Variants in ANO10 observed in about 807,000 individuals in gnomAD.
ANO10 encodes the protein anoctamin-10.
ANO10 carries 77 observed loss-of-function variants against 74.7 expected under a neutral mutation model. That is an observed-to-expected ratio of 1.03 (90% CI 0.86 to 1.25). ANO10 has a LOEUF of 1.25. Ranked by LOEUF, ANO10 falls within the 50% of genes most tolerant of loss-of-function variation. The probability of loss-of-function intolerance (pLI) is 0.00; values close to 1 mark genes in which losing one functional copy is unlikely to be tolerated. For missense variants in ANO10, 721 were observed against 778.1 expected, an observed-to-expected ratio of 0.93 and a Z score of 0.87; for synonymous variants, 279 against 284.9, an observed-to-expected ratio of 0.98 and a Z score of 0.21.
In ANO10 at chr3:43,470,945, G is replaced by A. The variant is rs532512569; in HGVS notation, c.1798-38218C>T. Among the ~76,000 whole-genome samples the A allele has an allele frequency of 8.5e-5, 13 of 152,074 alleles. No individual in the cohort carries two copies. In the South Asian group the frequency reaches 1.7e-3, roughly 19 times the overall value. ...CTTGGCCAATATATGGTAATTCTAC[G>A]TTCTGCATAATTTTTCTATAAAACT... On this transcript the variant is annotated intron_variant, in intron 11 of 12. Coordinates refer to ENST00000292246, the MANE Select transcript of ANO10 (RefSeq NM_018075.5).
chr3:43,610,319 T>C (rs954286534), intron 1 of ANO10, among the ~76,000 whole-genome samples: 2 of 152,150 alleles, frequency 1.3e-5, no homozygotes, highest in Non-Finnish European at 2.9e-5. Flanking sequence ...GAATACCTCC[T>C]GAAGGACCTG....
At chr3:43,674,796 G>C (rs975094597) in intron 1 of ANO10, among the ~76,000 whole-genome samples, 4 of 152,162 alleles carry the variant, frequency 2.6e-5, no homozygotes, top group African/African-American at 9.7e-5. Flanking sequence ...CCCAGTTTGA[G>C]TCAGAGTGGC....
In ANO10 at chr3:43,371,661, C is replaced by T. The variant is rs148978901; in HGVS notation, c.1915-4687G>A. ...GCCTCCTCCACTCAAGCTGTGCACA[C>T]ACCCCTTATTCACACCTTGCAACCA... On this transcript the variant is annotated intron_variant, in intron 12 of 12. Transcript: ENST00000292246. 5.3e-3 allele frequency among the ~76,000 whole-genome samples: 808 copies of T among 152,298 alleles called. 4 individuals are homozygous for T. Among genetic ancestry groups the T allele is most frequent in the African/African-American group, 0.019 (776 of 41,558 alleles).
chr3:43,661,619 T>C (rs188989919), intron 1 of ANO10, among the ~76,000 whole-genome samples: 2 of 152,182 alleles, frequency 1.3e-5, no homozygotes, highest in East Asian at 1.9e-4. Context: ...GCAAATTGGA[T>C]AAAGAGTCAA....
At chr3:43,674,275 G>A (rs552382835) in intron 1 of ANO10, among the ~76,000 whole-genome samples, 234 of 152,268 alleles carry the variant, frequency 1.5e-3, no homozygotes, top group Non-Finnish European at 2.4e-3. Flanking sequence ...GAGTAGCTGG[G>A]ACTATAGGCA....
chr3:43,488,484 A>C (rs2076588075), intron 11 of ANO10, among the ~76,000 whole-genome samples: 1 of 151,820 alleles, frequency 6.6e-6, no homozygotes, highest in South Asian at 2.1e-4. Context: ...AAAAAAACAA[A>C]CAACCCCATC....
chr3:43,624,442 T>G (rs2149555786), upstream of ANO10, among the ~76,000 whole-genome samples: 1 of 152,346 alleles, frequency 6.6e-6, no homozygotes, highest in Non-Finnish European at 1.5e-5. Context: ...CACCATCCCC[T>G]TGGTGCTGTC....
chr3:43,625,273 A>G (rs2083481526), upstream of ANO10, among the ~76,000 whole-genome samples: 1 of 152,198 alleles, frequency 6.6e-6, no homozygotes, highest in Admixed American at 6.5e-5. Flanking sequence ...TCTCTCGGAC[A>G]TTTTGCTGAT....
At chr3:43,609,800 C>T (rs962843795) in intron 1 of ANO10, among the ~76,000 whole-genome samples, 7 of 152,044 alleles carry the variant, frequency 4.6e-5, no homozygotes, top group African/African-American at 1.7e-4. Flanking sequence ...AGAAAAAGTA[C>T]AGTGAAAATA....
chr3:43,524,041 C>A (rs1301333909), intron 11 of ANO10, among the ~76,000 whole-genome samples: 2 of 151,958 alleles, frequency 1.3e-5, no homozygotes, highest in African/African-American at 4.8e-5. Flanking sequence ...AGGGGCTACA[C>A]CTGGAGTAGA....
intron 12 of ANO10, among the ~76,000 whole-genome samples, chr3:43,426,131 C>T (rs561198426): frequency 5.3e-5 from 8 of 152,196 alleles, no homozygotes; most frequent in African/African-American, 1.2e-4. Flanking sequence ...CCTTTCACAT[C>T]GCATCAATGT....
intron 11 of ANO10, among the ~76,000 whole-genome samples, chr3:43,515,068 T>C (rs967126301): frequency 5.9e-5 from 9 of 152,008 alleles, no homozygotes; most frequent in Non-Finnish European, 1.0e-4. Flanking sequence ...AGCAAAGAAA[T>C]AGAAAATAGT....
intron 11 of ANO10, among the ~76,000 whole-genome samples, chr3:43,496,582 C>T (rs1320224598): frequency 2.0e-5 from 3 of 152,030 alleles, no homozygotes; most frequent in African/African-American, 7.2e-5. Context: ...TACAGGGGCA[C>T]ACCACAATAC....
At chr3:43,603,321 A>G (rs1207950182) in intron 2 of ANO10, among the ~76,000 whole-genome samples, 1 of 152,014 alleles carries the variant, frequency 6.6e-6, no homozygotes, top group Non-Finnish European at 1.5e-5. Flanking sequence ...AACTCCTTTT[A>G]TTCAGATGTG....
intron 11 of ANO10, among the ~76,000 whole-genome samples, chr3:43,447,317 A>G (rs1466882740): frequency 6.6e-6 from 1 of 152,224 alleles, no homozygotes; most frequent in African/African-American, 2.4e-5. Context: ...ACGCATGTAC[A>G]ATCAACAGCT....
intron 1 of ANO10, among the ~76,000 whole-genome samples, chr3:43,653,298 C>T (rs2083809620): frequency 6.6e-6 from 1 of 152,170 alleles, no homozygotes; most frequent in African/African-American, 2.4e-5. Flanking sequence ...AGAAACAGAA[C>T]TGGCCAAGAA....
intron 11 of ANO10, among the ~76,000 whole-genome samples, chr3:43,483,679 C>T (rs142975342): frequency 7.9e-5 from 12 of 152,238 alleles, no homozygotes; most frequent in East Asian, 1.9e-4. Context: ...TGTCCTGAAA[C>T]GGTGTGCTTG....
chr3:43,524,607 T>C (rs1390360314), intron 11 of ANO10, among the ~76,000 whole-genome samples: 1 of 152,172 alleles, frequency 6.6e-6, no homozygotes, highest in Non-Finnish European at 1.5e-5. Context: ...GATTTACTGA[T>C]GCAGATGATT....
At chr3:43,499,424 T>C (rs1437132043) in intron 11 of ANO10, among the ~76,000 whole-genome samples, 1 of 152,168 alleles carries the variant, frequency 6.6e-6, no homozygotes, top group Non-Finnish European at 1.5e-5. Context: ...AAGTCTGTCT[T>C]AGATTGAGCA....
Sources: allele counts gnomAD v4.1 joint callset (sites outside exome capture counted in the v4.1 genomes callset), GRCh38; gene constraint gnomAD v4.1.1; transcripts MANE v1.5; gene names NCBI Gene and HGNC (gene_info 2026-07-23, HGNC 2026-07-21).